Variants in EIF2AK4 observed in about 807,000 individuals in gnomAD.
EIF2AK4 encodes eIF-2-alpha kinase GCN2.
In EIF2AK4, 139 loss-of-function variants were observed where a neutral mutation model predicts 211.1. The ratio of observed to expected loss-of-function variants is 0.66; its 90% CI spans 0.57 to 0.76. The LOEUF (loss-of-function observed/expected upper bound fraction) is 0.76. Among genes scored for constraint, EIF2AK4 ranks in the 30% least tolerant of loss-of-function variants. The pLI is 0.00. For missense variants in EIF2AK4, 1,664 were observed against 2,043.8 expected, an observed-to-expected ratio of 0.81 and a Z score of 3.58; for synonymous variants, 710 against 751.3, an observed-to-expected ratio of 0.94 and a Z score of 0.90.
Position 40,030,428 on chromosome 15 carries a change from C to A in EIF2AK4, c.4631C>A (p.Ala1544Asp), listed in dbSNP as rs1442968816. ...GTGCTAGCCCCGGAGAAGCTGTCAG[C>A]CAGCACTAGGAGGCGCTATGAAACT... Reference protein sequence around the residue: ...VSVLAPEKLSASTRRRYETQV... With the variant: ...VSVLAPEKLSDSTRRRYETQV... The change falls in exon 35 of 39, where the codon GCC (alanine) becomes GAC (aspartate). Residue 1544 changes from alanine (A) to aspartate (D), a missense_variant. By Grantham distance (126) the Ala-to-Asp change is moderately radical (BLOSUM62 -2). Transcript: ENST00000263791. 6.2e-7 allele frequency: 1 copy of A among 1,613,902 alleles called. No individual in the cohort carries two copies. Among genetic ancestry groups the A allele is most frequent in the Non-Finnish European group, 8.5e-7 (1 of 1,180,000 alleles).
intron 13 of EIF2AK4, among the ~76,000 whole-genome samples, chr15:39,981,798 G>A (rs543046516): frequency 5.9e-5 from 9 of 152,280 alleles, no homozygotes; most frequent in African/African-American, 2.2e-4. Context: ...AAAATTAGCT[G>A]TTGGGGACAA....
chr15:40,022,763 T>C (rs577654895), intron 32 of EIF2AK4, among the ~76,000 whole-genome samples, 158 bp downstream of exon 32: 1 of 151,146 alleles, frequency 6.6e-6, no homozygotes, highest in African/African-American at 2.4e-5. Context: ...TGAGACGGAG[T>C]CTCGCTGTCT....
chr15:39,977,360 C>T (rs1337074170), intron 12 of EIF2AK4: 3 of 152,674 alleles, frequency 2.0e-5, no homozygotes, highest in African/African-American at 7.2e-5. Flanking sequence ...AACCTGGATC[C>T]CTCGTGTGCA....
rs1415302183 is a variant in EIF2AK4 at position 40,011,269 on chromosome 15, C to A, written c.3694-12C>A. On this transcript the variant is annotated splice_polypyrimidine_tract_variant and intron_variant, in intron 26 of 38. Transcript: ENST00000263791. ...TCGCGACTCTCATTGTTACCTTTTT[C>A]TTCCACGTTAGACAGAGAAGCTGAC... 1 of 1,612,458 alleles carries A rather than the reference C, an allele frequency of 6.2e-7. No homozygotes were observed. Among genetic ancestry groups the A allele is most frequent in the Non-Finnish European group, 8.5e-7 (1 of 1,179,398 alleles).
At position 39,992,751 on chromosome 15, in the gene EIF2AK4, C is replaced by T; in HGVS notation, c.2687-18C>T. On this transcript the variant is annotated intron_variant, in intron 17 of 38. Coordinates refer to ENST00000263791, the MANE Select transcript of EIF2AK4 (RefSeq NM_001013703.4). ...GTGCTATTATTGGGACGTTTTCCCT[C>T]TGTTTTCCTCCACACAGGTCACTTA... 3.7e-6 allele frequency: 6 copies of T among 1,612,200 alleles called. No individual in the cohort carries two copies. Among genetic ancestry groups the T allele is most frequent in the Non-Finnish European group, 5.1e-6 (6 of 1,178,328 alleles).
At chr15:39,939,677 A>C (rs1027979888) in intron 2 of EIF2AK4, 60 bp downstream of exon 2, 2 of 1,365,614 alleles carry the variant, frequency 1.5e-6, no homozygotes, top group African/African-American at 2.9e-5. Flanking sequence ...ACAACATAGA[A>C]ACAGATTGAA....
intron 35 of EIF2AK4, 44 bp from the exon 36 acceptor site, chr15:40,032,125 G>C: frequency 6.8e-7 from 1 of 1,462,542 alleles, no homozygotes; most frequent in Non-Finnish European, 9.6e-7. Flanking sequence ...CAAGAAAGAT[G>C]GCTTGGTTTA....
At chr15:40,031,874 G>T (rs2898984) in intron 35 of EIF2AK4, among the ~76,000 whole-genome samples, 6 of 152,120 alleles carry the variant, frequency 3.9e-5, no homozygotes, top group African/African-American at 1.4e-4. Context: ...TATAAGCGCC[G>T]GCCACCATGC....
At chr15:39,975,490 C>G (rs2034681690) in intron 11 of EIF2AK4, 2 of 152,194 alleles carry the variant, frequency 1.3e-5, no homozygotes, top group African/African-American at 4.8e-5. Flanking sequence ...GGCCACATGG[C>G]ATTTGCTTTT....
intron 12 of EIF2AK4, chr15:39,977,599 T>C (rs7174767): frequency 0.91 from 139,051 of 152,328 alleles, 63,902 homozygotes; most frequent in Middle Eastern, 0.97. Flanking sequence ...AAAGGAAAAT[T>C]CAATACCTCA....
intron 9 of EIF2AK4, among the ~76,000 whole-genome samples, chr15:39,971,979 G>A (rs1020922192): frequency 1.3e-5 from 2 of 151,826 alleles, no homozygotes; most frequent in East Asian, 1.9e-4. Context: ...GGTATGGCTT[G>A]TTTTTCTTCA....
intron 3 of EIF2AK4, 34 bp from the exon 4 acceptor site, chr15:39,949,082 A>G: frequency 1.2e-6 from 2 of 1,601,126 alleles, no homozygotes; most frequent in Non-Finnish European, 1.7e-6. Flanking sequence ...CCATTATTTG[A>G]TCATTTGTGG....
rs879298953 is a variant in EIF2AK4 at position 39,993,076 on chromosome 15, TCATC to T, written c.2766+255_2766+258del. Among the ~76,000 whole-genome samples, 154 of 66,524 alleles carry T rather than the reference TCATC, an allele frequency of 2.3e-3. 1 individual carries two copies. The highest frequency in any genetic ancestry group is 4.1e-3 in the Non-Finnish European group (103 of 25,112). The allele number at this position is 66,524 out of a possible 152,430, so 43.6% of individuals were successfully genotyped here. A position where few individuals can be genotyped will look rare whatever the true frequency, so the allele number is the denominator to read the frequency against. ...TCCATCCATCCATCCATCCATCCAT[TCATC>T]CATCCATCCATCCATCCATCCATCC... On this transcript the variant is annotated intron_variant, in intron 18 of 38. Transcript: ENST00000263791.
chr15:40,030,602 G>T (rs1218228443), intron 35 of EIF2AK4, 146 bp downstream of exon 35: 1 of 783,060 alleles, frequency 1.3e-6, no homozygotes. Context: ...TGCCTAACTG[G>T]GTGGCTTCTG....
At chr15:39,953,763 A>T (rs1205643598) in intron 4 of EIF2AK4, 141 bp from the exon 5 acceptor site, 3 of 769,636 alleles carry the variant, frequency 3.9e-6, no homozygotes, top group African/African-American at 3.5e-5. Flanking sequence ...TGCAGTTTGT[A>T]CTAAGATGCT....
At chr15:40,029,969 T>TC (rs2035517643) in intron 34 of EIF2AK4, among the ~76,000 whole-genome samples, 1 of 152,244 alleles carries the variant, frequency 6.6e-6, no homozygotes, top group African/African-American at 2.4e-5. Flanking sequence ...ATTGAGTCTT[T>TC]CCCATTCTCT....
intron 37 of EIF2AK4, among the ~76,000 whole-genome samples, chr15:40,033,426 T>C (rs767056412): frequency 4.5e-4 from 68 of 152,190 alleles, no homozygotes; most frequent in Non-Finnish European, 8.5e-4. Flanking sequence ...CCCTTTATCA[T>C]CAAATAGCCT....
At chr15:39,934,621 C>T (rs1317135648) in intron 1 of EIF2AK4, among the ~76,000 whole-genome samples, 1 of 152,228 alleles carries the variant, frequency 6.6e-6, no homozygotes, top group Non-Finnish European at 1.5e-5. Context: ...CTGCCTACAT[C>T]CCATAACATA....
intron 11 of EIF2AK4, chr15:39,975,499 T>C (rs967816742): frequency 1.3e-5 from 2 of 152,220 alleles, no homozygotes; most frequent in African/African-American, 4.8e-5. Context: ...GCATTTGCTT[T>C]TCTAGAGTAT....
Sources: gnomAD v4.1 joint callset for allele counts (sites outside exome capture counted in the v4.1 genomes callset) on GRCh38, gnomAD v4.1.1 for gene constraint, MANE v1.5 for transcripts, NCBI Gene and HGNC (gene_info 2026-07-23, HGNC 2026-07-21) for gene names.